Variants in SLC26A7 observed in about 807,000 individuals in gnomAD.
SLC26A7 encodes anion exchange transporter.
In SLC26A7, 59 loss-of-function variants were observed where a neutral mutation model predicts 82.5. The observed-to-expected ratio is 0.72, with a 90% confidence interval of 0.58 to 0.89. The LOEUF (loss-of-function observed/expected upper bound fraction) is 0.89. SLC26A7 is among the 40% of genes least tolerant of loss of function. The pLI is 0.00. For synonymous variants in SLC26A7, 271 were observed against 274.3 expected, an observed-to-expected ratio of 0.99 and a Z score of 0.12; for missense variants, 820 against 793.0, an observed-to-expected ratio of 1.03 and a Z score of -0.41.
upstream of SLC26A7, among the ~76,000 whole-genome samples, chr8:91,244,612 T>C (rs987994627): frequency 3.3e-5 from 5 of 151,942 alleles, no homozygotes; most frequent in African/African-American, 1.2e-4. Flanking sequence ...CAAGTGATCC[T>C]CCTGCCTCAG....
chr8:91,312,641 C>CTGTG (rs56386837), intron 4 of SLC26A7, among the ~76,000 whole-genome samples: 1,873 of 149,632 alleles, frequency 0.013, 38 homozygotes, highest in African/African-American at 0.043. Flanking sequence ...GTAGGTGTGT[C>CTGTG]TGTGTGTGTG....
In SLC26A7 at chr8:91,319,073, G is replaced by A. The variant is rs116062469; in HGVS notation, c.642+693G>A. Among the ~76,000 whole-genome samples, 419 of 152,244 alleles carry A rather than the reference G, an allele frequency of 2.8e-3. 7 individuals carry two copies. The highest frequency in any genetic ancestry group is 0.027 in the South Asian group (131 of 4,814). On this transcript the variant is annotated intron_variant, in intron 5 of 18. Coordinates refer to ENST00000276609, the MANE Select transcript of SLC26A7 (RefSeq NM_052832.4). ...TAACATTAATTTTTTGTTTCATAAT[G>A]AGAGTATTGCCATTCTTAATTTTCT...
intron 2 of SLC26A7, among the ~76,000 whole-genome samples, chr8:91,255,896 TG>T (rs968331714): frequency 5.3e-5 from 8 of 152,248 alleles, no homozygotes; most frequent in Non-Finnish European, 1.2e-4. Context: ...ACATTGGCAG[TG>T]AGTGTCAGGA....
At chr8:91,368,532 C>G (rs920057986) in intron 14 of SLC26A7, among the ~76,000 whole-genome samples, 2 of 151,880 alleles carry the variant, frequency 1.3e-5, no homozygotes, top group African/African-American at 4.8e-5. Context: ...CATTCTCCTG[C>G]CTCAGCCTCC....
At chr8:91,394,180 C>T in intron 18 of SLC26A7, 141 bp downstream of exon 18, 1 of 1,610,768 alleles carries the variant, frequency 6.2e-7, no homozygotes, top group Non-Finnish European at 8.5e-7. Context: ...CTCAGACTTT[C>T]TATTACAGGT....
intron 11 of SLC26A7, among the ~76,000 whole-genome samples, chr8:91,358,365 G>A (rs1335635210): frequency 2.3e-5 from 3 of 132,898 alleles, no homozygotes; most frequent in East Asian, 2.1e-4. Flanking sequence ...GTCTCACTCC[G>A]TCCCCCAGGC....
intron 15 of SLC26A7, among the ~76,000 whole-genome samples, chr8:91,371,788 C>CT (rs1814370281): frequency 6.6e-6 from 1 of 151,774 alleles, no homozygotes; most frequent in Admixed American, 6.6e-5. Context: ...ATTTTTAGTT[C>CT]TTTGAGAAAT....
chr8:91,348,973 G>A (rs1180649355), intron 9 of SLC26A7, among the ~76,000 whole-genome samples: 1 of 152,124 alleles, frequency 6.6e-6, no homozygotes, highest in Non-Finnish European at 1.5e-5. Context: ...TTACTGAGTT[G>A]GCCAGTTAGG....
chr8:91,374,618 G>A (rs1814457570), intron 15 of SLC26A7, among the ~76,000 whole-genome samples: 1 of 150,540 alleles, frequency 6.6e-6, no homozygotes, highest in Non-Finnish European at 1.5e-5. Flanking sequence ...ATTTTTTTTT[G>A]GAATTTATTT....
At chr8:91,370,585 C>A (rs1021160088) in intron 15 of SLC26A7, among the ~76,000 whole-genome samples, 4 of 152,126 alleles carry the variant, frequency 2.6e-5, no homozygotes, top group African/African-American at 9.6e-5. Context: ...ATGGCGGATG[C>A]TTGTTAAATT....
In SLC26A7 at chr8:91,339,866, A is replaced by G. The variant is rs539484752; in HGVS notation, c.879-538A>G. On this transcript the variant is annotated intron_variant, in intron 7 of 18. Transcript: ENST00000276609. ...GGTTAGTTAGATGGAGCCTTTATACATATTTTTCTTAATGGATGTAAGGCA... is the reference window on the plus strand; with the variant it reads ...GGTTAGTTAGATGGAGCCTTTATACGTATTTTTCTTAATGGATGTAAGGCA... Among the ~76,000 whole-genome samples, 7 of 152,258 alleles carry G rather than the reference A, an allele frequency of 4.6e-5. No individual in the cohort carries two copies. The East Asian group carries it at 1.4e-3, about 29-fold the overall frequency.
intron 11 of SLC26A7, among the ~76,000 whole-genome samples, 155 bp downstream of exon 11, chr8:91,353,151 C>T (rs1256250201): frequency 6.6e-6 from 1 of 152,024 alleles, no homozygotes; most frequent in Non-Finnish European, 1.5e-5. Context: ...TTAATAAAAG[C>T]ATTAAAATAT....
At chr8:91,234,950 T>C (rs1810372529) in intron 2 of SLC26A7, among the ~76,000 whole-genome samples, 1 of 151,552 alleles carries the variant, frequency 6.6e-6, no homozygotes, top group Non-Finnish European at 1.5e-5. Context: ...GGCAGGGTTT[T>C]CCTCTGTCAC....
chr8:91,336,075 G>A (rs552251873), intron 6 of SLC26A7, among the ~76,000 whole-genome samples: 3 of 152,268 alleles, frequency 2.0e-5, no homozygotes, highest in Admixed American at 1.3e-4. Context: ...TGGACTTCCA[G>A]AAGGTGCCCT....
At chr8:91,237,995 A>G (rs1319248065) in intron 2 of SLC26A7, among the ~76,000 whole-genome samples, 1 of 152,122 alleles carries the variant, frequency 6.6e-6, no homozygotes, top group Non-Finnish European at 1.5e-5. Context: ...CTCTCCTGTA[A>G]TAGTGTTCAT....
intron 15 of SLC26A7, among the ~76,000 whole-genome samples, chr8:91,374,090 A>G (rs527728360): frequency 6.6e-6 from 1 of 151,384 alleles, no homozygotes; most frequent in South Asian, 2.1e-4. Flanking sequence ...ACCATTTCTC[A>G]TTGTGCTTAT....
chr8:91,339,843 T>C (rs1813351967), intron 7 of SLC26A7, among the ~76,000 whole-genome samples: 1 of 151,898 alleles, frequency 6.6e-6, no homozygotes, highest in South Asian at 2.1e-4. Context: ...AAGCAGAGGG[T>C]TAGTTAGATG....
chr8:91,310,925 T>C (rs1275914246), intron 4 of SLC26A7, among the ~76,000 whole-genome samples: 2 of 152,098 alleles, frequency 1.3e-5, no homozygotes, highest in Non-Finnish European at 2.9e-5. Context: ...CTTTTTTTTT[T>C]CCATTCCTGC....
chr8:91,252,086 A>G (rs1810673049), intron 2 of SLC26A7, among the ~76,000 whole-genome samples: 1 of 152,166 alleles, frequency 6.6e-6, no homozygotes, highest in East Asian at 1.9e-4. Context: ...AAAGAGGGAT[A>G]ATTTTTGTTC....
Sources: gnomAD v4.1 joint callset for allele counts (sites outside exome capture counted in the v4.1 genomes callset) on GRCh38, gnomAD v4.1.1 for gene constraint, MANE v1.5 for transcripts, NCBI Gene and HGNC (gene_info 2026-07-23, HGNC 2026-07-21) for gene names.